Variants in DPF3 observed in about 807,000 individuals in gnomAD.
DPF3 encodes the protein double PHD fingers 3, also known as zinc finger protein DPF3.
DPF3 carries 18 observed loss-of-function variants against 56.8 expected under a neutral mutation model. That is an observed-to-expected ratio of 0.32 (90% confidence interval 0.22 to 0.47). The LOEUF (loss-of-function observed/expected upper bound fraction) is 0.47. Ranked by LOEUF, DPF3 falls within the 20% of genes least tolerant of loss-of-function variation. The pLI is 1.00. For missense variants in DPF3, 403 were observed against 488.8 expected (o/e 0.82, Z 1.65); for synonymous variants, 188 against 180.2 (o/e 1.04, Z -0.35).
At chr14:72,871,624 C>T (rs1885904886) in intron 1 of DPF3, among the ~76,000 whole-genome samples, 1 of 152,248 alleles carries the variant, frequency 6.6e-6, no homozygotes, top group Non-Finnish European at 1.5e-5. Flanking sequence ...AGCTCCGCCC[C>T]TGCAAACACC....
chr14:72,695,216 T>C (rs1887853037), intron 6 of DPF3, among the ~76,000 whole-genome samples: 1 of 152,210 alleles, frequency 6.6e-6, no homozygotes, highest in Non-Finnish European at 1.5e-5. Flanking sequence ...ACAGTACTTA[T>C]CTTGCAGGAT....
intron 9 of DPF3, among the ~76,000 whole-genome samples, chr14:72,629,387 C>T (rs919937825): frequency 1.3e-5 from 2 of 152,166 alleles, no homozygotes; most frequent in African/African-American, 4.8e-5. Context: ...AACATTTAGA[C>T]CAAATGAGAT....
chr14:72,750,794 A>T (rs1448907815), intron 3 of DPF3, among the ~76,000 whole-genome samples: 1 of 128,998 alleles, frequency 7.8e-6, no homozygotes, highest in African/African-American at 2.9e-5. Flanking sequence ...AGAATCTCAA[A>T]AAAAAAAAAA....
At position 72,612,333 on chromosome 14, in the gene DPF3, C is replaced by T. The variant is rs1391384729; in HGVS notation, c.*6964G>A. On this transcript the variant is annotated 3_prime_UTR_variant, in exon 11 of 11. Transcript: ENST00000556509. The stretch of plus-strand genomic sequence containing the variant: ...CCAGGGACGCCCTGCCTACCTACCC[C>T]GCCTCTCTCCAGCCACCTGCTCCCC... 5 of 435,768 alleles carry T rather than the reference C, an allele frequency of 1.1e-5. No homozygotes were observed. Among genetic ancestry groups the T allele is most frequent in the Middle Eastern group, 4.8e-4 (1 of 2,082 alleles). The allele number at this position is 435,768 out of a possible 1,614,324, so 27.0% of individuals were successfully genotyped here.
Position 72,615,525 on chromosome 14 carries a change from A to C in DPF3, c.*3772T>G, listed in dbSNP as rs574878574. On this transcript the variant is annotated 3_prime_UTR_variant, in exon 11 of 11. Coordinates refer to ENST00000556509, the MANE Select transcript of DPF3 (RefSeq NM_001280542.3). ...CCCTCCAGGGTATCATGAAACCATC[A>C]CTGTGAAACCCAAACCCTCCCCCAA... is the stretch of plus-strand genomic sequence containing the variant. Among the ~76,000 whole-genome samples the C allele has an allele frequency of 3.3e-5, 5 of 152,260 alleles. No homozygotes were observed. Among genetic ancestry groups the C allele is most frequent in the African/African-American group, 1.2e-4 (5 of 41,566 alleles).
At chr14:72,687,957 C>T (rs551219423) in intron 7 of DPF3, among the ~76,000 whole-genome samples, 1 of 151,910 alleles carries the variant, frequency 6.6e-6, no homozygotes, top group Admixed American at 6.6e-5. Flanking sequence ...ATAGAAAGTA[C>T]CCTGTGCCCT....
At chr14:72,743,946 ATGT>A (rs1190945400) in intron 3 of DPF3, among the ~76,000 whole-genome samples, 1 of 152,250 alleles carries the variant, frequency 6.6e-6, no homozygotes, top group Non-Finnish European at 1.5e-5. Flanking sequence ...GGGAGAAATA[ATGT>A]TGTGTGTGTT....
At chr14:72,808,800 T>C (rs114419250) in intron 1 of DPF3, among the ~76,000 whole-genome samples, 120 of 152,324 alleles carry the variant, frequency 7.9e-4, no homozygotes, top group African/African-American at 2.8e-3. Flanking sequence ...TCTCCGGGCA[T>C]GTAAGGACAT....
chr14:72,864,946 G>A (rs1885605110), intron 1 of DPF3, among the ~76,000 whole-genome samples: 1 of 152,234 alleles, frequency 6.6e-6, no homozygotes, highest in African/African-American at 2.4e-5. Context: ...TCGGGACCAA[G>A]TGTAAGTCAG....
At chr14:72,661,242 C>T in intron 8 of DPF3, 1 of 985,204 alleles carries the variant, frequency 1.0e-6, no homozygotes, top group South Asian at 4.7e-5. Flanking sequence ...AAAAGGGCTA[C>T]AAAATGATAC....
chr14:72,733,246 G>T (rs1040385197), intron 3 of DPF3, among the ~76,000 whole-genome samples: 3 of 152,204 alleles, frequency 2.0e-5, no homozygotes, highest in Admixed American at 6.5e-5. Context: ...CAGGTAAGCT[G>T]GGGGCAGGAA....
intron 1 of DPF3, among the ~76,000 whole-genome samples, chr14:72,827,460 C>T (rs1263092334): frequency 2.0e-5 from 3 of 148,522 alleles, no homozygotes; most frequent in Non-Finnish European, 4.4e-5. Context: ...ATACCAACTC[C>T]TAGTACTCAA....
chr14:72,674,216 G>C (rs371871042), intron 8 of DPF3, 24 bp downstream of exon 8: 1 of 1,606,182 alleles, frequency 6.2e-7, no homozygotes, highest in South Asian at 1.1e-5. Context: ...ACGGGCACCC[G>C]GTGTGGGAAG....
intron 1 of DPF3, among the ~76,000 whole-genome samples, chr14:72,880,121 A>C (rs1347117295): frequency 6.6e-6 from 1 of 152,252 alleles, no homozygotes; most frequent in African/African-American, 2.4e-5. Flanking sequence ...AGAGCATTCC[A>C]GTATAAGCAG....
chr14:72,876,997 T>C (rs995749043), intron 1 of DPF3, among the ~76,000 whole-genome samples: 1 of 152,208 alleles, frequency 6.6e-6, no homozygotes, highest in Non-Finnish European at 1.5e-5. Flanking sequence ...GCCAGAATAC[T>C]CTTTCCTTCC....
intron 8 of DPF3, among the ~76,000 whole-genome samples, chr14:72,641,786 G>A (rs974743412): frequency 1.3e-5 from 2 of 152,236 alleles, no homozygotes; most frequent in Admixed American, 6.5e-5. Context: ...CTTCTTGAAT[G>A]TAGACTGGGT....
At chr14:72,851,078 A>G (rs1255856920) in intron 1 of DPF3, among the ~76,000 whole-genome samples, 1 of 152,202 alleles carries the variant, frequency 6.6e-6, no homozygotes, top group Non-Finnish European at 1.5e-5. Context: ...GAGGGGAGCA[A>G]TGGTCTCTAA....
At chr14:72,707,528 G>A (rs1463420801) in intron 6 of DPF3, among the ~76,000 whole-genome samples, 2 of 152,200 alleles carry the variant, frequency 1.3e-5, no homozygotes, top group African/African-American at 4.8e-5. Context: ...ATAAGCTGTG[G>A]CACATCTGCA....
chr14:72,848,750 G>C (rs1014351602), intron 1 of DPF3, among the ~76,000 whole-genome samples: 2 of 152,218 alleles, frequency 1.3e-5, no homozygotes, highest in African/African-American at 2.4e-5. Context: ...GAAAACAGGA[G>C]TTCAGGACAG....
Sources: allele counts gnomAD v4.1 joint callset (sites outside exome capture counted in the v4.1 genomes callset), GRCh38; gene constraint gnomAD v4.1.1; transcripts MANE v1.5; gene names NCBI Gene and HGNC (gene_info 2026-07-23, HGNC 2026-07-21).